Variants in ITGA4 observed in about 807,000 individuals in gnomAD.
ITGA4 encodes integrin subunit alpha 4.
A neutral mutation model predicts 133.6 loss-of-function variants in ITGA4; 63 were observed. That is an observed-to-expected ratio of 0.47 (90% CI 0.38 to 0.58). The LOEUF (loss-of-function observed/expected upper bound fraction) is 0.58. Ranked by LOEUF, ITGA4 falls within the 20% of genes least tolerant of loss-of-function variation. The pLI, the probability that ITGA4 is intolerant of heterozygous loss-of-function variation, is 0.00. For missense variants in ITGA4, 1,076 were observed against 1,252.7 expected, an observed-to-expected ratio of 0.86 and a Z score of 2.13; for synonymous variants, 483 against 438.0, an observed-to-expected ratio of 1.10 and a Z score of -1.28.
Position 181,537,788 on chromosome 2 carries a change from T to C in ITGA4, c.*2261T>C. 1 of 459,148 alleles carries C rather than the reference T, an allele frequency of 2.2e-6. No homozygotes were observed. Among genetic ancestry groups the C allele is most frequent in the South Asian group, 1.6e-5 (1 of 63,508 alleles). The allele number at this position is 459,148 out of a possible 1,614,324, so 28.4% of individuals were successfully genotyped here. ...TCTAAAAACAGAATTTGAATTGATATTTCATCTTGACTTTTAAAGCCCTAG... is the reference window on the plus strand; with the variant it reads ...TCTAAAAACAGAATTTGAATTGATACTTCATCTTGACTTTTAAAGCCCTAG... On this transcript the variant is annotated 3_prime_UTR_variant, in exon 28 of 28. Transcript: ENST00000397033.
intron 15 of ITGA4, chr2:181,498,991 C>A: frequency 3.8e-6 from 2 of 529,858 alleles, no homozygotes; most frequent in Non-Finnish European, 4.8e-6. Flanking sequence ...ACATTTATCA[C>A]ATTTGACCTC....
chr2:181,527,344 A>T lies in ITGA4; in HGVS notation c.2387A>T (p.Glu796Val). 6.2e-7 allele frequency: 1 copy of T among 1,613,292 alleles called. No individual in the cohort carries two copies. Among genetic ancestry groups the T allele is most frequent in the Non-Finnish European group, 8.5e-7 (1 of 1,179,290 alleles). The part of the protein sequence containing the change: ...SFVYGSNDEN[E>V]PETCMVEKMN... ...GTGTATGGATCAAATGATGAAAATG[A>T]GCCTGAAACGTGCATGGTGGAGAAA... The change falls in exon 22 of 28, where the codon GAG becomes GTG. Residue 796 changes from glutamate to valine, a missense_variant. Glu to Val is a moderately radical substitution (Grantham distance 121). This residue lies in a region of ITGA4 where 365 missense variants were observed against 421.4 expected (regional missense o/e 0.87). Coordinates refer to ENST00000397033, the MANE Select transcript of ITGA4 (RefSeq NM_000885.6).
chr2:181,535,398 C>T (rs772910559), intron 27 of ITGA4, 34 bp from the exon 28 acceptor site: 5 of 1,514,264 alleles, frequency 3.3e-6, no homozygotes, highest in South Asian at 2.4e-5. Context: ...GTGTTCATAA[C>T]TATACACTAG....
rs1047307 is a variant in ITGA4, at chr2:181,537,025, G to A, written c.*1498G>A. The A allele has an allele frequency of 0.38, 168,958 of 444,670 alleles. 35,181 individuals carry two copies. The highest frequency in any genetic ancestry group is 0.62 in the South Asian group (39,233 of 62,948). The allele number at this position is 444,670 out of a possible 1,614,324, so 27.5% of individuals were successfully genotyped here. On this transcript the variant is annotated 3_prime_UTR_variant, in exon 28 of 28. Coordinates refer to ENST00000397033, the MANE Select transcript of ITGA4 (RefSeq NM_000885.6). ...GCAGTGATGGTGAGGAATGTTCTGAGATTTGCGAAGGCATTTGAGTAGTGA... is the reference window on the plus strand; with the variant it reads ...GCAGTGATGGTGAGGAATGTTCTGAAATTTGCGAAGGCATTTGAGTAGTGA...
At chr2:181,463,635 G>A (rs1044646679) in intron 2 of ITGA4, among the ~76,000 whole-genome samples, 1 of 151,992 alleles carries the variant, frequency 6.6e-6, no homozygotes, top group East Asian at 1.9e-4. Flanking sequence ...CTGAAAAAGG[G>A]AAGAGCAGCA....
intron 10 of ITGA4, among the ~76,000 whole-genome samples, chr2:181,486,863 A>G (rs1247756413): frequency 2.0e-5 from 3 of 152,168 alleles, no homozygotes; most frequent in Non-Finnish European, 4.4e-5. Flanking sequence ...GGCCATTGGC[A>G]ATTAGTATAC....
At position 181,509,135 on chromosome 2, in the gene ITGA4, TAAAAAAAAAAAAAAA is replaced by T. The variant is rs57180154; in HGVS notation, c.1696-490_1696-476del. Among the ~76,000 whole-genome samples the T allele has an allele frequency of 3.4e-3, 151 of 44,674 alleles. 5 individuals are homozygous for T. Among genetic ancestry groups the T allele is most frequent in the African/African-American group, 0.011 (111 of 9,946 alleles). 29.3% of individuals were successfully genotyped at this position (44,674 alleles called of 152,430 possible). The stretch of plus-strand genomic sequence containing the variant: ...TGACAGAGGGACACATCCCATCTCT[TAAAAAAAAAAAAAAA>T]AAAAAAAAAAAAAAAAAAAAAAAAA... On this transcript the variant is annotated intron_variant, in intron 15 of 27. Transcript: ENST00000397033.
chr2:181,506,840 T>C (rs1402387514), intron 15 of ITGA4, among the ~76,000 whole-genome samples: 1 of 152,118 alleles, frequency 6.6e-6, no homozygotes, highest in African/African-American at 2.4e-5. Context: ...TCCTGAAATG[T>C]CTATAGATAA....
rs1385921313 is a variant in ITGA4 at position 181,515,709 on chromosome 2, A to G, written c.1922+3934A>G. On this transcript the variant is annotated intron_variant, in intron 17 of 27. Transcript: ENST00000397033. ...CTTCTAATTAATTTCTTAGACTCAC[A>G]GTGAAAGGTTCTGACAAAGTGCTTT... 2.0e-5 allele frequency among the ~76,000 whole-genome samples: 3 copies of G among 152,240 alleles called. No homozygotes were observed. The East Asian group carries it at 5.8e-4, about 29-fold the overall frequency.
In ITGA4 at chr2:181,534,315, T is replaced by C. The variant is rs755616429; in HGVS notation, c.2828T>C (p.Phe943Ser). Residue 943 changes from phenylalanine to serine, a missense_variant, in exon 26 of 28, where the codon TTT (phenylalanine) becomes TCT (serine). Physicochemically the swap from Phe to Ser is radical, Grantham distance 155. Coordinates refer to ENST00000397033, the MANE Select transcript of ITGA4 (RefSeq NM_000885.6). ...AAGTTTGAAATAAGAGCAACAGGTT[T>C]TCCAGAGCCAAATCCAAGAGTAATT... ...ALKFEIRATG[F>S]PEPNPRVIEL... 3.7e-6 allele frequency: 6 copies of C among 1,611,886 alleles called. No individual in the cohort carries two copies. In the East Asian group the frequency reaches 1.3e-4, roughly 36 times the overall value.
intron 10 of ITGA4, among the ~76,000 whole-genome samples, chr2:181,489,804 A>G (rs1231569524): frequency 6.6e-6 from 1 of 151,558 alleles, no homozygotes; most frequent in Non-Finnish European, 1.5e-5. Flanking sequence ...ACCCCACACA[A>G]CCTCTTTCCC....
At chr2:181,465,469 G>A (rs1685389256) in intron 2 of ITGA4, among the ~76,000 whole-genome samples, 1 of 151,854 alleles carries the variant, frequency 6.6e-6, no homozygotes, top group African/African-American at 2.4e-5. Flanking sequence ...AACCAAGCAT[G>A]GAACTTTAAT....
rs186874211 is a variant in ITGA4, at chr2:181,507,078, T to C, written c.1696-2580T>C. ...TAGATTGAAACAGCCATATGAAAAG[T>C]AGAGTCAAAAACTGAGCCTTAAATT... On this transcript the variant is annotated intron_variant, in intron 15 of 27. Transcript: ENST00000397033. Among the ~76,000 whole-genome samples, 742 of 152,226 alleles carry C rather than the reference T, an allele frequency of 4.9e-3. 8 individuals carry two copies. Among genetic ancestry groups the C allele is most frequent in the African/African-American group, 0.017 (706 of 41,572 alleles).
At chr2:181,502,559 C>T (rs558292156) in intron 15 of ITGA4, among the ~76,000 whole-genome samples, 2 of 152,192 alleles carry the variant, frequency 1.3e-5, no homozygotes, top group South Asian at 4.1e-4. Flanking sequence ...TGAGTATGTG[C>T]TTGCAGATGC....
rs1275546934 is a variant in ITGA4 at position 181,537,980 on chromosome 2, T to C, written c.*2453T>C. On this transcript the variant is annotated 3_prime_UTR_variant, in exon 28 of 28. Transcript: ENST00000397033. ...ATGGTGAACTGGTATGTGAGGGATC[T>C]AGAGTGCCATGTTCCTCAAGAGAAT... 2 of 666,598 alleles carry C rather than the reference T, an allele frequency of 3.0e-6. No individual in the cohort carries two copies. The highest frequency in any genetic ancestry group is 2.9e-5 in the East Asian group (1 of 34,678). The allele number at this position is 666,598 out of a possible 1,614,324, so 41.3% of individuals were successfully genotyped here.
chr2:181,527,353 C>T lies in ITGA4; in HGVS notation c.2396C>T (p.Thr799Met), dbSNP rs765024382. 8.7e-6 allele frequency: 14 copies of T among 1,612,468 alleles called. No individual in the cohort carries two copies. Among genetic ancestry groups the T allele is most frequent in the East Asian group, 4.5e-5 (2 of 44,792 alleles). Reference protein sequence around the residue: ...YGSNDENEPETCMVEKMNLTF... With the variant: ...YGSNDENEPEMCMVEKMNLTF... ...TCAAATGATGAAAATGAGCCTGAAA[C>T]GTGCATGGTGGAGAAAATGAACTTA... The change falls in exon 22 of 28, where the codon ACG becomes ATG. Residue 799 changes from threonine to methionine, a missense_variant. Around this residue, in one of 4 missense-constraint regions of ITGA4, gnomAD observed 365 missense variants for 421.4 expected, o/e 0.87. Transcript: ENST00000397033.
intron 2 of ITGA4, among the ~76,000 whole-genome samples, chr2:181,466,342 T>C (rs1379309594): frequency 6.6e-6 from 1 of 152,162 alleles, no homozygotes; most frequent in Non-Finnish European, 1.5e-5. Context: ...ACTACAATTA[T>C]ATAAACTGTT....
In ITGA4 at chr2:181,538,282, T is replaced by C. The variant is rs1458805952; in HGVS notation, c.*2755T>C. On this transcript the variant is annotated 3_prime_UTR_variant, in exon 28 of 28. Coordinates refer to ENST00000397033, the MANE Select transcript of ITGA4 (RefSeq NM_000885.6). The stretch of plus-strand genomic sequence containing the variant: ...TACATTATTTCATCAACTTATTTTG[T>C]TGTTTTTCACATACACCTAATAAGT... The C allele has an allele frequency of 3.0e-6, 4 of 1,321,562 alleles. No individual in the cohort carries two copies. Among genetic ancestry groups the C allele is most frequent in the Non-Finnish European group, 4.4e-6 (4 of 916,924 alleles). 81.9% of individuals were successfully genotyped at this position (1,321,562 alleles called of 1,614,324 possible).
At chr2:181,531,146 A>AT (rs977497371) in intron 24 of ITGA4, among the ~76,000 whole-genome samples, 6 of 152,112 alleles carry the variant, frequency 3.9e-5, no homozygotes, top group South Asian at 2.1e-4. Context: ...ATACAGTTTC[A>AT]TTTTTTTATC....
Sources: gnomAD v4.1 joint callset for allele counts (sites outside exome capture counted in the v4.1 genomes callset) on GRCh38, gnomAD v4.1.1 for gene constraint, gnomAD v4.1.1 regional missense constraint, MANE v1.5 for transcripts, NCBI Gene and HGNC (gene_info 2026-07-23, HGNC 2026-07-21) for gene names.